Variants in GTF3C4 observed in about 807,000 individuals in gnomAD.
The protein encoded by GTF3C4 is general transcription factor IIIC subunit 4.
Under a neutral mutation model 67.5 loss-of-function variants are expected in GTF3C4, and 28 were observed. The ratio of observed to expected loss-of-function variants is 0.41; its 90% CI spans 0.31 to 0.57. GTF3C4 has a LOEUF of 0.57. Among genes scored for constraint, GTF3C4 ranks in the 20% least tolerant of loss-of-function variants. The pLI, the probability that GTF3C4 is intolerant of heterozygous loss-of-function variation, is 0.21. For synonymous variants in GTF3C4, 409 were observed against 393.0 expected, an observed-to-expected ratio of 1.04 and a Z score of -0.48; for missense variants, 831 against 1,033.2, an observed-to-expected ratio of 0.80 and a Z score of 2.68.
chr9:132,693,615 G>C lies in GTF3C4; in HGVS notation c.*4670G>C, dbSNP rs1836151962. ...CTTATGCTTATTTTTAAAGTAAAAA[G>C]TTGCCTCACTGTCATGAAATCCTGT... On this transcript the variant is annotated 3_prime_UTR_variant, in exon 5 of 5. Coordinates refer to ENST00000372146, the MANE Select transcript of GTF3C4 (RefSeq NM_012204.4). 6.6e-6 allele frequency: 1 copy of C among 151,578 alleles called. No individual in the cohort carries two copies. The highest frequency in any genetic ancestry group is 6.6e-5 in the Admixed American group (1 of 15,192). The allele number at this position is 151,578 out of a possible 1,614,324, so 9.4% of individuals were successfully genotyped here.
chr9:132,682,346 A>G (rs1177750201), intron 2 of GTF3C4, among the ~76,000 whole-genome samples: 1 of 152,168 alleles, frequency 6.6e-6, no homozygotes, highest in African/African-American at 2.4e-5. Context: ...CTTCTGAGCT[A>G]GTAAGACACC....
rs1458827371 is a variant in GTF3C4 at position 132,691,146 on chromosome 9, A to T, written c.*2201A>T. 1 of 152,226 alleles carries T rather than the reference A, an allele frequency of 6.6e-6. No homozygotes were observed. 9.4% of individuals were successfully genotyped at this position (152,226 alleles called of 1,614,324 possible). A position where few individuals can be genotyped will look rare whatever the true frequency, so the allele number is the denominator to read the frequency against. On this transcript the variant is annotated 3_prime_UTR_variant, in exon 5 of 5. Transcript: ENST00000372146. The stretch of plus-strand genomic sequence containing the variant: ...GCCTCCCCCAGGTTTCCACACACCC[A>T]GTTGGAAGGCCTTTCCCTGCCCTTG...
intron 3 of GTF3C4, among the ~76,000 whole-genome samples, chr9:132,684,590 C>T (rs1200604041): frequency 1.3e-5 from 2 of 152,224 alleles, no homozygotes; most frequent in East Asian, 3.8e-4. Flanking sequence ...CCTTTGTCCT[C>T]CCGCTGACCT....
chr9:132,676,147 C>T (rs974950678), intron 1 of GTF3C4, among the ~76,000 whole-genome samples: 8 of 151,958 alleles, frequency 5.3e-5, no homozygotes, highest in Non-Finnish European at 1.2e-4. Flanking sequence ...GATCCGCCCA[C>T]CTCAGCCTCC....
chr9:132,687,074 C>G (rs1328018133), intron 3 of GTF3C4, among the ~76,000 whole-genome samples, 165 bp from the exon 4 acceptor site: 1 of 152,126 alleles, frequency 6.6e-6, no homozygotes, highest in Non-Finnish European at 1.5e-5. Flanking sequence ...GTTTGGCCAG[C>G]TTTGGTGCAC....
At chr9:132,687,363 T>A in intron 4 of GTF3C4, 36 bp downstream of exon 4, 1 of 508,428 alleles carries the variant, frequency 2.0e-6, no homozygotes. Context: ...GGTGGGTGGG[T>A]GGAACATGCT....
At chr9:132,674,132 G>C (rs759962743) in intron 1 of GTF3C4, among the ~76,000 whole-genome samples, 2 of 152,164 alleles carry the variant, frequency 1.3e-5, no homozygotes, top group Non-Finnish European at 2.9e-5. Flanking sequence ...GTGAATTTTT[G>C]TCAGGTGCTT....
rs1189547244 is a variant in GTF3C4, at chr9:132,689,085, C to T, written c.*140C>T. ...TCCTTGGTGATTGTAAAGAGGGCCC[C>T]TGGAGCTCATTTCTGAATCGCACTC... On this transcript the variant is annotated 3_prime_UTR_variant, in exon 5 of 5. Coordinates refer to ENST00000372146, the MANE Select transcript of GTF3C4 (RefSeq NM_012204.4). The T allele has an allele frequency of 1.5e-6, 1 of 658,508 alleles. No individual in the cohort carries two copies. Among genetic ancestry groups the T allele is most frequent in the Admixed American group, 2.3e-5 (1 of 42,834 alleles). The allele number at this position is 658,508 out of a possible 1,614,324, so 40.8% of individuals were successfully genotyped here.
At chr9:132,680,122 A>C (rs1439865637) in intron 2 of GTF3C4, among the ~76,000 whole-genome samples, 1 of 152,192 alleles carries the variant, frequency 6.6e-6, no homozygotes, top group Non-Finnish European at 1.5e-5. Context: ...ATGGCTGTAG[A>C]AATATGGTGC....
chr9:132,684,462 T>C (rs944002266), intron 3 of GTF3C4, among the ~76,000 whole-genome samples: 2 of 152,216 alleles, frequency 1.3e-5, no homozygotes, highest in African/African-American at 4.8e-5. Flanking sequence ...CAGTCTGTTA[T>C]TATAGTTGTG....
Position 132,691,897 on chromosome 9 carries a change from AAG to A in GTF3C4, c.*2954_*2955del, listed in dbSNP as rs1322789521. Reference sequence around the variant, plus strand: ...AGTTTAACACGTTAATTAGGTTAAAAAGAATATTAAAAGGCAATAATTAAATA... The same window carrying A: ...AGTTTAACACGTTAATTAGGTTAAAAAATATTAAAAGGCAATAATTAAATA... On this transcript the variant is annotated 3_prime_UTR_variant, in exon 5 of 5. Transcript: ENST00000372146. 6.6e-6 allele frequency: 1 copy of A among 152,252 alleles called. No individual in the cohort carries two copies. Among genetic ancestry groups the A allele is most frequent in the Non-Finnish European group, 1.5e-5 (1 of 68,048 alleles). 9.4% of individuals were successfully genotyped at this position (152,252 alleles called of 1,614,324 possible).
chr9:132,685,000 C>T (rs953303202), intron 3 of GTF3C4, among the ~76,000 whole-genome samples: 1 of 149,648 alleles, frequency 6.7e-6, no homozygotes, highest in Admixed American at 6.8e-5. Context: ...ACATGGTGGG[C>T]ACTAAATTTT....
chr9:132,690,065 T>TCAA lies in GTF3C4; in HGVS notation c.*1123_*1125dup, dbSNP rs1253422343. 6.6e-6 allele frequency: 1 copy of TCAA among 152,266 alleles called. No homozygotes were observed. Among genetic ancestry groups the TCAA allele is most frequent in the Admixed American group, 6.5e-5 (1 of 15,278 alleles). 9.4% of individuals were successfully genotyped at this position (152,266 alleles called of 1,614,324 possible). On this transcript the variant is annotated 3_prime_UTR_variant, in exon 5 of 5. Transcript: ENST00000372146. ...GGCTTGGTGGCTCATGCCTGTACTCTCAACACTTTGGGAAGCAAAGGCAGG... is the reference window on the plus strand; with the variant it reads ...GGCTTGGTGGCTCATGCCTGTACTCTCAACAACACTTTGGGAAGCAAAGGCAGG...
chr9:132,678,473 T>C lies in GTF3C4; in HGVS notation c.854T>C (p.Ile285Thr). The C allele has an allele frequency of 6.2e-7, 1 of 1,614,150 alleles. No homozygotes were observed. Among genetic ancestry groups the C allele is most frequent in the South Asian group, 1.1e-5 (1 of 91,078 alleles). The change falls in exon 2 of 5, where the codon ATC (isoleucine) becomes ACC (threonine). Residue 285 changes from isoleucine to threonine, a missense_variant. Transcript: ENST00000372146. The surrounding 1 kb of genome is among the most constrained non-coding windows in gnomAD (Gnocchi z 6.5). ...GCTGTCCTCTTTGAAAACGGTAATATCGCCGTGTGGCAGTTTCAGCTGCCG... is the reference window on the plus strand; with the variant it reads ...GCTGTCCTCTTTGAAAACGGTAATACCGCCGTGTGGCAGTTTCAGCTGCCG... ...LLAVLFENGN[I>T]AVWQFQLPFV... is the part of the protein sequence containing the mutation.
chr9:132,672,043 C>T (rs769086106), intron 1 of GTF3C4, among the ~76,000 whole-genome samples: 1 of 152,182 alleles, frequency 6.6e-6, no homozygotes, highest in Non-Finnish European at 1.5e-5. Flanking sequence ...AAACATCTTT[C>T]TGTTGTTAGA....
intron 1 of GTF3C4, among the ~76,000 whole-genome samples, chr9:132,673,761 A>C (rs1379274592): frequency 6.6e-6 from 1 of 152,240 alleles, no homozygotes; most frequent in Admixed American, 6.5e-5. Flanking sequence ...TCTGTTATTT[A>C]GATTATGAAT....
At chr9:132,670,194 G>A, upstream of GTF3C4, 1 of 1,582,736 alleles carries the variant, frequency 6.3e-7, no homozygotes, top group African/African-American at 1.3e-5. Flanking sequence ...ATTCGGCCGA[G>A]AGTTCACGCT....
chr9:132,680,385 A>G (rs1419732194), intron 2 of GTF3C4, among the ~76,000 whole-genome samples: 2 of 152,232 alleles, frequency 1.3e-5, no homozygotes, highest in African/African-American at 2.4e-5. Flanking sequence ...TTCCCAGTGC[A>G]TATTACCACT....
intron 1 of GTF3C4, among the ~76,000 whole-genome samples, chr9:132,675,960 GC>G (rs1482380394): frequency 7.4e-6 from 1 of 135,618 alleles, no homozygotes; most frequent in East Asian, 2.2e-4. Flanking sequence ...GTGCAGTGGT[GC>G]CATCTTGGCT....
Sources: allele counts gnomAD v4.1 joint callset (sites outside exome capture counted in the v4.1 genomes callset), GRCh38; gene constraint gnomAD v4.1.1; non-coding constraint Gnocchi (gnomAD v3.1); transcripts MANE v1.5; gene names NCBI Gene and HGNC (gene_info 2026-07-23, HGNC 2026-07-21).